The following PDE4D variants were observed in gnomAD, a reference collection of about 807,000 sequenced individuals.
The protein encoded by PDE4D is phosphodiesterase 4D.
Under a neutral mutation model 87.4 loss-of-function variants are expected in PDE4D, and 24 were observed. That is an observed-to-expected ratio of 0.27 (90% CI 0.20 to 0.39). The LOEUF (loss-of-function observed/expected upper bound fraction) is 0.39. PDE4D is among the 10% of genes least tolerant of loss of function. The pLI is 1.00. For missense variants in PDE4D, 714 were observed against 1,041.0 expected (o/e 0.69, Z 4.32); for synonymous variants, 384 against 383.2 (o/e 1.00, Z -0.02).
intron 5 of PDE4D, among the ~76,000 whole-genome samples, chr5:59,102,992 C>G (rs928132720): frequency 6.6e-6 from 1 of 152,160 alleles, no homozygotes; most frequent in African/African-American, 2.4e-5. Context: ...TTCCTAGTTT[C>G]TGACTCCATA....
rs148093980 is a variant in PDE4D at position 59,683,238 on chromosome 5, T to C, written c.455+209930A>G. Among the ~76,000 whole-genome samples the C allele has an allele frequency of 3.8e-3, 580 of 152,226 alleles. 5 individuals are homozygous for C. Among genetic ancestry groups the C allele is most frequent in the African/African-American group, 0.013 (553 of 41,548 alleles). ...GTAGACGGATACATAGATGATTAGA[T>C]AGACAGAAAGGTAGATATGAGAGAC... On this transcript the variant is annotated intron_variant, in intron 1 of 14. Transcript: ENST00000340635.
intron 2 of PDE4D, among the ~76,000 whole-genome samples, chr5:60,083,624 T>G (rs1330597586): frequency 6.6e-6 from 1 of 152,192 alleles, no homozygotes; most frequent in South Asian, 2.1e-4. Flanking sequence ...TTTTTAGTTT[T>G]TTTGTTTGTT....
At chr5:59,641,960 C>G (rs982459020) in intron 1 of PDE4D, among the ~76,000 whole-genome samples, 2 of 152,074 alleles carry the variant, frequency 1.3e-5, no homozygotes, top group South Asian at 4.1e-4. Flanking sequence ...ATGGCAACAA[C>G]TTGGGAGCAA....
intron 1 of PDE4D, among the ~76,000 whole-genome samples, chr5:60,322,420 C>A (rs1756391531): frequency 7.3e-6 from 1 of 136,490 alleles, no homozygotes; most frequent in African/African-American, 2.7e-5. Flanking sequence ...ACACACAAAA[C>A]CCTAACATAT....
At chr5:60,015,394 T>G (rs1765407325) in intron 2 of PDE4D, among the ~76,000 whole-genome samples, 1 of 152,156 alleles carries the variant, frequency 6.6e-6, no homozygotes, top group African/African-American at 2.4e-5. Context: ...GCTAGACCTG[T>G]GACTTTCTTT....
intron 3 of PDE4D, among the ~76,000 whole-genome samples, chr5:59,927,881 G>A (rs895339123): frequency 6.6e-6 from 1 of 152,190 alleles, no homozygotes; most frequent in African/African-American, 2.4e-5. Context: ...CAGTTCACAT[G>A]TGGCATTTCC....
intron 2 of PDE4D, among the ~76,000 whole-genome samples, chr5:60,185,317 C>A (rs1385881433): frequency 6.6e-6 from 1 of 152,014 alleles, no homozygotes; most frequent in African/African-American, 2.4e-5. Flanking sequence ...GGCTTGTAGA[C>A]GTATATGAAT....
intron 1 of PDE4D, among the ~76,000 whole-genome samples, chr5:59,444,656 C>CA (rs1460854299): frequency 2.6e-5 from 4 of 152,142 alleles, no homozygotes; most frequent in Non-Finnish European, 4.4e-5. Flanking sequence ...ACTAAAAACA[C>CA]AAAAAATTAG....
chr5:59,287,453 G>A (rs967991631), intron 1 of PDE4D, among the ~76,000 whole-genome samples: 5 of 152,092 alleles, frequency 3.3e-5, no homozygotes, highest in African/African-American at 7.2e-5. Context: ...GCTCCTGGAC[G>A]TCATCTCTAG....
At chr5:59,334,745 T>C (rs1777373800) in intron 1 of PDE4D, among the ~76,000 whole-genome samples, 1 of 152,032 alleles carries the variant, frequency 6.6e-6, no homozygotes, top group Admixed American at 6.6e-5. Context: ...GGAACAGAAC[T>C]TGAAGCGGGT....
At chr5:60,380,131 G>A (rs996614951) in intron 1 of PDE4D, among the ~76,000 whole-genome samples, 9 of 152,146 alleles carry the variant, frequency 5.9e-5, no homozygotes, top group African/African-American at 7.2e-5. Flanking sequence ...ATGAGCTTAC[G>A]TGACTAATCA....
intron 1 of PDE4D, among the ~76,000 whole-genome samples, chr5:59,764,211 A>C (rs1457661184): frequency 6.6e-6 from 1 of 152,170 alleles, no homozygotes; most frequent in Admixed American, 6.5e-5. Flanking sequence ...AAATTTAAAC[A>C]TGATCCTAAA....
intron 1 of PDE4D, among the ~76,000 whole-genome samples, chr5:59,291,060 T>C (rs941668260): frequency 6.6e-6 from 1 of 152,056 alleles, no homozygotes; most frequent in African/African-American, 2.4e-5. Flanking sequence ...TACCATATGA[T>C]CTAGCAATCC....
intron 1 of PDE4D, among the ~76,000 whole-genome samples, chr5:60,248,496 A>T (rs1748049806): frequency 1.3e-5 from 2 of 152,054 alleles, no homozygotes; most frequent in African/African-American, 4.8e-5. Context: ...ATTTTCAAGG[A>T]TGTGGAGGCC....
intron 1 of PDE4D, among the ~76,000 whole-genome samples, chr5:60,398,207 G>T (rs1324333913): frequency 1.3e-5 from 2 of 152,128 alleles, no homozygotes; most frequent in Non-Finnish European, 2.9e-5. Context: ...AAATGATAGT[G>T]GTACCTCACC....
intron 1 of PDE4D, among the ~76,000 whole-genome samples, chr5:59,838,386 A>G (rs1368626068): frequency 2.6e-5 from 4 of 152,068 alleles, no homozygotes; most frequent in Non-Finnish European, 5.9e-5. Context: ...CCCATAAGGG[A>G]TGCCGGATCT....
At chr5:59,806,412 C>T (rs530039033) in intron 1 of PDE4D, among the ~76,000 whole-genome samples, 80 of 152,310 alleles carry the variant, frequency 5.3e-4, no homozygotes, top group Admixed American at 7.2e-4. Context: ...CAAGTCCCCA[C>T]TTATCAAAAG....
intron 1 of PDE4D, among the ~76,000 whole-genome samples, chr5:60,202,540 AT>A (rs1742038667): frequency 6.6e-6 from 1 of 152,134 alleles, no homozygotes; most frequent in Admixed American, 6.5e-5. Flanking sequence ...ACCTGGGAAA[AT>A]ATTACATATT....
intron 1 of PDE4D, among the ~76,000 whole-genome samples, chr5:59,785,745 G>A (rs1765101382): frequency 6.6e-6 from 1 of 152,172 alleles, no homozygotes; most frequent in East Asian, 1.9e-4. Flanking sequence ...TCCAGTGAAG[G>A]TTTTGTAAAC....
Sources: gnomAD v4.1 joint callset for allele counts (sites outside exome capture counted in the v4.1 genomes callset) on GRCh38, gnomAD v4.1.1 for gene constraint, MANE v1.5 for transcripts, NCBI Gene and HGNC (gene_info 2026-07-23, HGNC 2026-07-21) for gene names.